The following DIS3L2 variants were observed in gnomAD, a reference collection of about 807,000 sequenced individuals.
DIS3L2 encodes the protein DIS3-like exonuclease 2.
A neutral mutation model predicts 97.5 loss-of-function variants in DIS3L2; 34 were observed. The ratio of observed to expected loss-of-function variants is 0.35; its 90% confidence interval spans 0.27 to 0.46. The LOEUF is 0.46. Among genes scored for constraint, DIS3L2 ranks in the 20% least tolerant of loss-of-function variants. DIS3L2 has a pLI of 1.00. For missense variants in DIS3L2, 1,038 were observed against 1,146.0 expected (o/e 0.91, Z 1.36); for synonymous variants, 435 against 445.2 (o/e 0.98, Z 0.29).
intron 9 of DIS3L2, among the ~76,000 whole-genome samples, chr2:232,177,087 A>T (rs1195109344): frequency 6.8e-6 from 1 of 147,710 alleles, no homozygotes; most frequent in Non-Finnish European, 1.5e-5. Flanking sequence ...TAGTTTACTG[A>T]GAATGATGGT....
chr2:232,135,095 G>A (rs923847680), intron 7 of DIS3L2, among the ~76,000 whole-genome samples: 2 of 152,110 alleles, frequency 1.3e-5, no homozygotes, highest in African/African-American at 4.8e-5. Context: ...GCTGAGGTGT[G>A]GCCATGAGGA....
chr2:232,243,581 A>G (rs1693165784), intron 11 of DIS3L2, among the ~76,000 whole-genome samples: 1 of 152,204 alleles, frequency 6.6e-6, no homozygotes, highest in Admixed American at 6.5e-5. Flanking sequence ...GAGTTTACCA[A>G]TGTGGTAATG....
chr2:232,092,951 G>A (rs980329900), intron 6 of DIS3L2, among the ~76,000 whole-genome samples: 1 of 152,078 alleles, frequency 6.6e-6, no homozygotes, highest in East Asian at 1.9e-4. Context: ...GTGACAGTGG[G>A]TATTCTTGTT....
intron 14 of DIS3L2, among the ~76,000 whole-genome samples, chr2:232,319,238 G>A (rs565192487): frequency 4.9e-4 from 74 of 152,290 alleles, no homozygotes; most frequent in African/African-American, 1.7e-3. Context: ...GGGTGCACAC[G>A]ACACTGTGTG....
chr2:232,083,393 C>T (rs1197739002), intron 5 of DIS3L2, among the ~76,000 whole-genome samples: 1 of 151,666 alleles, frequency 6.6e-6, no homozygotes, highest in Non-Finnish European at 1.5e-5. Context: ...TGATATTTCT[C>T]CGTGGTTGGT....
intron 16 of DIS3L2, chr2:232,331,563 G>A (rs1401048022): frequency 2.0e-5 from 3 of 152,200 alleles, no homozygotes; most frequent in Non-Finnish European, 2.9e-5. Context: ...CCTGGTCACC[G>A]TGACCTGCCC....
At position 232,015,509 on chromosome 2, in the gene DIS3L2, T is replaced by C; in HGVS notation, c.53-5T>C. 6.2e-7 allele frequency: 1 copy of C among 1,613,440 alleles called. No individual in the cohort carries two copies. Among genetic ancestry groups the C allele is most frequent in the Non-Finnish European group, 8.5e-7 (1 of 1,179,650 alleles). On this transcript the variant is annotated splice_polypyrimidine_tract_variant and splice_region_variant and intron_variant, in intron 2 of 20. Transcript: ENST00000325385. ...AAAGAGTTGATTGCTGCCTCCTGTTTCTAGGTGTGTCTGCTGTGGCTGGTC... is the reference window on the plus strand; with the variant it reads ...AAAGAGTTGATTGCTGCCTCCTGTTCCTAGGTGTGTCTGCTGTGGCTGGTC...
chr2:232,329,785 T>TCCCCGGGGGGG, intron 14 of DIS3L2, 28 bp from the exon 15 acceptor site: 121 of 967,058 alleles, frequency 1.3e-4, no homozygotes, highest in Non-Finnish European at 1.4e-4. Flanking sequence ...ACCCCAGCGG[T>TCCCCGGGGGGG]CCCTCCCATC....
chr2:232,329,785 T>TCCCCGGGGGCGCCC, intron 14 of DIS3L2, 28 bp from the exon 15 acceptor site: 1 of 967,144 alleles, frequency 1.0e-6, no homozygotes, highest in Non-Finnish European at 1.5e-6. Context: ...ACCCCAGCGG[T>TCCCCGGGGGCGCCC]CCCTCCCATC....
intron 1 of DIS3L2, among the ~76,000 whole-genome samples, chr2:231,979,332 G>A (rs535816585): frequency 1.3e-5 from 2 of 152,022 alleles, no homozygotes; most frequent in Non-Finnish European, 2.9e-5. Context: ...TCAGCTCACT[G>A]CAGCCTTGAC....
intron 1 of DIS3L2, among the ~76,000 whole-genome samples, chr2:232,004,558 G>T (rs866234228): frequency 6.7e-6 from 1 of 150,034 alleles, no homozygotes; most frequent in African/African-American, 2.4e-5. Flanking sequence ...TTCAGATATT[G>T]TATTTATTAA....
intron 5 of DIS3L2, among the ~76,000 whole-genome samples, chr2:232,047,291 G>C (rs1397421367): frequency 6.6e-6 from 1 of 152,128 alleles, no homozygotes; most frequent in East Asian, 1.9e-4. Flanking sequence ...GCATCAGGTG[G>C]GATTAGAAAG....
chr2:232,026,977 C>T (rs1694676786), intron 4 of DIS3L2, among the ~76,000 whole-genome samples: 1 of 152,096 alleles, frequency 6.6e-6, no homozygotes, highest in Non-Finnish European at 1.5e-5. Flanking sequence ...CAATTCACCT[C>T]TAGGTAATTA....
intron 13 of DIS3L2, among the ~76,000 whole-genome samples, chr2:232,294,546 C>T (rs1005499904): frequency 1.3e-5 from 2 of 152,164 alleles, no homozygotes; most frequent in African/African-American, 4.8e-5. Flanking sequence ...CCTACCCAGA[C>T]CCTTGGCTCT....
intron 10 of DIS3L2, among the ~76,000 whole-genome samples, chr2:232,213,869 C>A (rs963945587): frequency 9.2e-5 from 14 of 152,030 alleles, no homozygotes; most frequent in African/African-American, 2.9e-4. Context: ...CAGCAAATCA[C>A]AGTGACCACC....
chr2:232,187,024 G>A (rs917539515), intron 9 of DIS3L2, among the ~76,000 whole-genome samples: 2 of 152,074 alleles, frequency 1.3e-5, no homozygotes, highest in African/African-American at 4.8e-5. Flanking sequence ...GGGAAAAATT[G>A]TTTTGCAAAT....
intron 5 of DIS3L2, among the ~76,000 whole-genome samples, chr2:232,067,276 C>A (rs1278221663): frequency 2.6e-5 from 4 of 152,150 alleles, no homozygotes; most frequent in Non-Finnish European, 5.9e-5. Context: ...GCACTTAGAG[C>A]TATATCATTT....
chr2:232,330,646 G>A (rs372022929), intron 15 of DIS3L2, 44 bp from the exon 16 acceptor site: 126 of 1,601,190 alleles, frequency 7.9e-5, no homozygotes, highest in South Asian at 3.4e-4. Flanking sequence ...GTCTCTGCCC[G>A]AGCTGGACCA....
chr2:232,215,859 T>G (rs879808002), intron 10 of DIS3L2, among the ~76,000 whole-genome samples: 5 of 152,202 alleles, frequency 3.3e-5, no homozygotes, highest in Admixed American at 6.5e-5. Flanking sequence ...ACGGGACATG[T>G]GAGAGCCCTG....
Sources: gnomAD v4.1 joint callset for allele counts (sites outside exome capture counted in the v4.1 genomes callset) on GRCh38, gnomAD v4.1.1 for gene constraint, MANE v1.5 for transcripts, NCBI Gene and HGNC (gene_info 2026-07-23, HGNC 2026-07-21) for gene names.